CCNC: variants seen among roughly 807,000 people sequenced by gnomAD.
CCNC encodes cyclin-C.
Under a neutral mutation model 50.0 loss-of-function variants are expected in CCNC, and 19 were observed. The ratio of observed to expected loss-of-function variants is 0.38; its 90% CI spans 0.27 to 0.56. The LOEUF is 0.56. Ranked by LOEUF, CCNC falls within the 20% of genes least tolerant of loss-of-function variation. The pLI is 0.72. For missense variants in CCNC, 200 were observed against 327.1 expected (o/e 0.61, Z 3.00); for synonymous variants, 93 against 103.7 (o/e 0.90, Z 0.63).
intron 11 of CCNC, chr6:99,544,097 G>A: frequency 7.2e-7 from 1 of 1,393,920 alleles, no homozygotes; most frequent in South Asian, 1.6e-5. Context: ...AAGTCAGCAA[G>A]AAATATGGTA....
chr6:99,553,312 T>C (rs1206255205), intron 5 of CCNC, among the ~76,000 whole-genome samples: 2 of 152,182 alleles, frequency 1.3e-5, no homozygotes, highest in Admixed American at 6.5e-5. Flanking sequence ...TATATAATGG[T>C]AGACAATCAA....
chr6:99,546,389 G>T lies in CCNC; in HGVS notation c.678+6C>A. The T allele has an allele frequency of 6.3e-7, 1 of 1,591,212 alleles. No homozygotes were observed. ...CATCCAAGTTTACATACAACTAAGG[G>T]AATACCTTTTCCATATCCACAGAAA... On this transcript the variant is annotated splice_donor_region_variant and intron_variant, in intron 10 of 11. Transcript: ENST00000520429.
At chr6:99,562,567 A>T in intron 2 of CCNC, 1 of 263,020 alleles carries the variant, frequency 3.8e-6, no homozygotes, top group Non-Finnish European at 7.1e-6. Flanking sequence ...TGCTTTAGCC[A>T]ACCTTGAACT....
At chr6:99,564,199 TG>T (rs1186419374) in intron 1 of CCNC, among the ~76,000 whole-genome samples, 1 of 151,964 alleles carries the variant, frequency 6.6e-6, no homozygotes, top group Non-Finnish European at 1.5e-5. Context: ...CCGAGGTGGG[TG>T]GATCACCTGA....
chr6:99,550,518 C>T, intron 7 of CCNC: 2 of 453,986 alleles, frequency 4.4e-6, no homozygotes, highest in Non-Finnish European at 7.8e-6. Context: ...TGGAATATAC[C>T]TTGATAAATC....
Position 99,545,114 on chromosome 6 carries a change from G to A in CCNC, c.795C>T (p.Asn265=), listed in dbSNP as rs377366962. ...SKMPKPKPPP[N]SEGEQGPNGS... is the part of the protein sequence containing the mutation. ...AATAATTAAAGTCTACAAAGTACCT[G>A]TTTGGAGGTGGTTTTGGTTTTGGCA... The change falls in exon 11 of 12, where the codon AAC becomes AAT. Residue 265 remains asparagine, a splice_region_variant and synonymous_variant. Coordinates refer to ENST00000520429, the MANE Select transcript of CCNC (RefSeq NM_005190.4). 1 of 1,517,400 alleles carries A rather than the reference G, an allele frequency of 6.6e-7. No homozygotes were observed. Among genetic ancestry groups the A allele is most frequent in the Non-Finnish European group, 9.2e-7 (1 of 1,092,284 alleles). 94.0% of individuals were successfully genotyped at this position (1,517,400 alleles called of 1,614,324 possible). A position where few individuals can be genotyped will look rare whatever the true frequency, so the allele number is the denominator to read the frequency against.
chr6:99,558,441 C>T, intron 5 of CCNC, 56 bp downstream of exon 5: 1 of 1,595,070 alleles, frequency 6.3e-7, no homozygotes, highest in Non-Finnish European at 8.5e-7. Flanking sequence ...AATCTATGTA[C>T]TCTGGAGCTT....
upstream of CCNC, chr6:99,568,752 C>A (rs531150628): frequency 3.6e-5 from 50 of 1,380,944 alleles, no homozygotes; most frequent in East Asian, 1.3e-3. Flanking sequence ...AAAGTTCCGG[C>A]CCGCGGTAGC....
chr6:99,550,529 G>T, intron 7 of CCNC: 2 of 438,530 alleles, frequency 4.6e-6, no homozygotes, highest in African/African-American at 4.1e-5. Flanking sequence ...TTGATAAATC[G>T]GTTGGCAGTC....
At chr6:99,568,456 C>A in intron 1 of CCNC, 40 bp downstream of exon 1, 1 of 1,601,988 alleles carries the variant, frequency 6.2e-7, no homozygotes, top group Non-Finnish European at 8.5e-7. Flanking sequence ...ACAGCTCCCC[C>A]AAAAACCGGC....
intron 4 of CCNC, among the ~76,000 whole-genome samples, chr6:99,559,894 AT>A (rs1025898242): frequency 4.6e-5 from 7 of 151,746 alleles, no homozygotes; most frequent in African/African-American, 1.7e-4. Context: ...TAATTTTTGT[AT>A]TTTTAGTAGA....
At position 99,542,655 on chromosome 6, in the gene CCNC, G is replaced by A. The variant is rs1239787952; in HGVS notation, c.*900C>T. On this transcript the variant is annotated 3_prime_UTR_variant, in exon 12 of 12. Coordinates refer to ENST00000520429, the MANE Select transcript of CCNC (RefSeq NM_005190.4). ...ATTAAGGACAGCCAGTATCAAACTG[G>A]CCTGAAACCTGATTGTGTTCCTGGT... 1 of 152,488 alleles carries A rather than the reference G, an allele frequency of 6.6e-6. No homozygotes were observed. Among genetic ancestry groups the A allele is most frequent in the Non-Finnish European group, 1.5e-5 (1 of 67,988 alleles). The allele number at this position is 152,488 out of a possible 1,614,324, so 9.4% of individuals were successfully genotyped here.
At position 99,543,397 on chromosome 6, in the gene CCNC, T is replaced by C; in HGVS notation, c.*158A>G. On this transcript the variant is annotated 3_prime_UTR_variant, in exon 12 of 12. Coordinates refer to ENST00000520429, the MANE Select transcript of CCNC (RefSeq NM_005190.4). ...TTTAATCAATTATGTACTAGAATCA[T>C]ATTAAAGAAAAACTTATTTTGCAAA... 2.9e-6 allele frequency: 2 copies of C among 695,244 alleles called. No homozygotes were observed. The highest frequency in any genetic ancestry group is 4.8e-6 in the Non-Finnish European group (2 of 419,250). The allele number at this position is 695,244 out of a possible 1,614,324, so 43.1% of individuals were successfully genotyped here. A position where few individuals can be genotyped will look rare whatever the true frequency, so the allele number is the denominator to read the frequency against.
intron 5 of CCNC, 52 bp downstream of exon 5, chr6:99,558,445 G>T: frequency 6.3e-7 from 1 of 1,599,026 alleles, no homozygotes; most frequent in Non-Finnish European, 8.5e-7. Flanking sequence ...TATGTACTCT[G>T]GAGCTTTCTT....
At chr6:99,568,665 A>G, upstream of CCNC, 1 of 1,518,350 alleles carries the variant, frequency 6.6e-7, no homozygotes, top group Non-Finnish European at 8.8e-7. Flanking sequence ...GGCGACGGCG[A>G]AAGGAAGAGG....
chr6:99,566,653 A>G (rs1053193780), intron 1 of CCNC, among the ~76,000 whole-genome samples: 1 of 152,198 alleles, frequency 6.6e-6, no homozygotes, highest in Non-Finnish European at 1.5e-5. Context: ...GTTTTTAAAA[A>G]GATAAATTTC....
At chr6:99,561,568 T>C in intron 3 of CCNC, 29 bp downstream of exon 3, 1 of 1,496,232 alleles carries the variant, frequency 6.7e-7, no homozygotes, top group Non-Finnish European at 9.3e-7. Flanking sequence ...AGATAAGAGT[T>C]CAAATAAATA....
At chr6:99,550,462 A>T in intron 7 of CCNC, 153 bp from the exon 8 acceptor site, 1 of 602,724 alleles carries the variant, frequency 1.7e-6, no homozygotes, top group South Asian at 2.1e-5. Flanking sequence ...AGCTAGCAGT[A>T]TGACAGCCCT....
intron 1 of CCNC, chr6:99,567,042 T>C (rs9484032): frequency 0.25 from 98,304 of 392,532 alleles, 13,124 homozygotes; most frequent in East Asian, 0.37. Context: ...TTTAGGACTA[T>C]TTGAATTGGG....
Sources: gnomAD v4.1 joint callset for allele counts (sites outside exome capture counted in the v4.1 genomes callset) on GRCh38, gnomAD v4.1.1 for gene constraint, MANE v1.5 for transcripts, NCBI Gene and HGNC (gene_info 2026-07-23, HGNC 2026-07-21) for gene names.